The following BTBD9 variants were observed in gnomAD, a reference collection of about 807,000 sequenced individuals.
BTBD9 encodes the protein BTB domain containing 9.
Under a neutral mutation model 64.3 loss-of-function variants are expected in BTBD9, and 49 were observed. The ratio of observed to expected loss-of-function variants is 0.76; its 90% CI spans 0.61 to 0.97. The LOEUF is 0.97. BTBD9 is among the 50% of genes least tolerant of loss of function. The pLI is 0.00. For synonymous variants in BTBD9, 260 were observed against 274.7 expected, an observed-to-expected ratio of 0.95 and a Z score of 0.53; for missense variants, 598 against 762.1, an observed-to-expected ratio of 0.78 and a Z score of 2.53.
At chr6:38,450,135 A>C (rs947482940) in intron 6 of BTBD9, among the ~76,000 whole-genome samples, 1 of 152,248 alleles carries the variant, frequency 6.6e-6, no homozygotes, top group Non-Finnish European at 1.5e-5. Context: ...TCTGAAGAAC[A>C]TTAAGTTAAA....
intron 9 of BTBD9, among the ~76,000 whole-genome samples, chr6:38,255,550 G>A (rs751460803): frequency 6.6e-6 from 1 of 152,180 alleles, no homozygotes; most frequent in Non-Finnish European, 1.5e-5. Flanking sequence ...ATGCTAGGCT[G>A]CTCAGAACCC....
chr6:38,420,227 T>G (rs933118130), intron 6 of BTBD9, among the ~76,000 whole-genome samples: 1 of 152,228 alleles, frequency 6.6e-6, no homozygotes, highest in Non-Finnish European at 1.5e-5. Context: ...ATCCAGGAAC[T>G]TATCTAACTC....
At chr6:38,387,512 G>T (rs572790076) in intron 6 of BTBD9, among the ~76,000 whole-genome samples, 2 of 152,196 alleles carry the variant, frequency 1.3e-5, no homozygotes, top group South Asian at 4.2e-4. Context: ...ACTCCAGCCT[G>T]GGCAAGAAGA....
chr6:38,493,821 G>T (rs1454735343), intron 6 of BTBD9, among the ~76,000 whole-genome samples: 1 of 152,080 alleles, frequency 6.6e-6, no homozygotes, highest in Non-Finnish European at 1.5e-5. Flanking sequence ...CAGGGAAATT[G>T]GTTTTAGCGT....
chr6:38,266,610 GAAAGAAAGAAAGAAAGAAA>G (rs1561947014), intron 8 of BTBD9, among the ~76,000 whole-genome samples: 4 of 3,632 alleles, frequency 1.1e-3, no homozygotes, highest in Non-Finnish European at 2.4e-3. Flanking sequence ...AGAAAGGAAA[GAAAGAAAGAAAGAAAGAAA>G]GAAAGAAAGA....
At chr6:38,573,004 T>C (rs2127468168) in intron 6 of BTBD9, among the ~76,000 whole-genome samples, 1 of 152,176 alleles carries the variant, frequency 6.6e-6, no homozygotes, top group South Asian at 2.1e-4. Flanking sequence ...TAATGTCATA[T>C]ATATATATGT....
chr6:38,470,963 T>G (rs993122804), intron 6 of BTBD9, among the ~76,000 whole-genome samples: 2 of 152,186 alleles, frequency 1.3e-5, no homozygotes, highest in Non-Finnish European at 2.9e-5. Flanking sequence ...AAAGAGCAGT[T>G]TTCCAAGATT....
At chr6:38,572,066 C>G (rs898774956) in intron 6 of BTBD9, among the ~76,000 whole-genome samples, 1 of 151,890 alleles carries the variant, frequency 6.6e-6, no homozygotes. Context: ...ACACCTACCC[C>G]CCATCTCTGG....
chr6:38,419,467 T>C (rs2127273735), intron 6 of BTBD9, among the ~76,000 whole-genome samples: 1 of 152,344 alleles, frequency 6.6e-6, no homozygotes, highest in South Asian at 2.1e-4. Flanking sequence ...TGTCAATCTC[T>C]TACTTGACCT....
chr6:38,239,006 T>A (rs1763895751), intron 9 of BTBD9, among the ~76,000 whole-genome samples: 1 of 152,078 alleles, frequency 6.6e-6, no homozygotes. Context: ...AAAGAAGGGG[T>A]CCATTTGGAT....
At chr6:38,520,866 G>A (rs1398740071) in intron 6 of BTBD9, among the ~76,000 whole-genome samples, 2 of 152,126 alleles carry the variant, frequency 1.3e-5, no homozygotes, top group Non-Finnish European at 2.9e-5. Flanking sequence ...AGAATTGCTT[G>A]AGCTCAGTAG....
chr6:38,401,460 T>C (rs1005387967), intron 6 of BTBD9, among the ~76,000 whole-genome samples: 2 of 152,206 alleles, frequency 1.3e-5, no homozygotes, highest in Non-Finnish European at 2.9e-5. Flanking sequence ...ATACACCTTT[T>C]GTTTACTATG....
chr6:38,552,378 T>A (rs1490308966), intron 6 of BTBD9, among the ~76,000 whole-genome samples: 1 of 152,120 alleles, frequency 6.6e-6, no homozygotes, highest in Non-Finnish European at 1.5e-5. Context: ...AGAGGAAGTA[T>A]AAAAGTAGTC....
At chr6:38,621,087 C>T (rs1303362449) in intron 1 of BTBD9, among the ~76,000 whole-genome samples, 1 of 152,192 alleles carries the variant, frequency 6.6e-6, no homozygotes, top group Non-Finnish European at 1.5e-5. Flanking sequence ...TAGCAAAGAG[C>T]TGGCCTCACT....
chr6:38,545,354 C>T (rs988444768), intron 6 of BTBD9, among the ~76,000 whole-genome samples: 6 of 152,058 alleles, frequency 3.9e-5, no homozygotes, highest in Non-Finnish European at 5.9e-5. Context: ...CCACCATGTC[C>T]GGCCATGACT....
At chr6:38,473,386 A>G (rs902527397) in intron 6 of BTBD9, among the ~76,000 whole-genome samples, 1 of 152,200 alleles carries the variant, frequency 6.6e-6, no homozygotes, top group African/African-American at 2.4e-5. Context: ...ATTTTTTCCA[A>G]TGGATTATCC....
At chr6:38,399,285 T>A (rs373543711) in intron 6 of BTBD9, among the ~76,000 whole-genome samples, 1 of 152,168 alleles carries the variant, frequency 6.6e-6, no homozygotes, top group African/African-American at 2.4e-5. Flanking sequence ...TGGAAGTAAA[T>A]CTCTAAATCT....
At chr6:38,525,597 G>T (rs1773455560) in intron 6 of BTBD9, among the ~76,000 whole-genome samples, 1 of 152,238 alleles carries the variant, frequency 6.6e-6, no homozygotes, top group Admixed American at 6.5e-5. Context: ...GAATGGTTTT[G>T]ACCAAAATGC....
rs887336194 is a variant in BTBD9, at chr6:38,385,718, A to G, written c.1155-40625T>C. Among the ~76,000 whole-genome samples the G allele has an allele frequency of 5.3e-5, 8 of 152,024 alleles. No individual in the cohort carries two copies. In the South Asian group the frequency reaches 1.0e-3, roughly 20 times the overall value. ...GCTAGATATCTTTAAGAAGAACATT[A>G]TATGTTTTTTGAATCAACATGCCTA... On this transcript the variant is annotated intron_variant, in intron 6 of 10. Coordinates refer to ENST00000481247, the MANE Select transcript of BTBD9 (RefSeq NM_001099272.2).
Sources: allele counts gnomAD v4.1 joint callset (sites outside exome capture counted in the v4.1 genomes callset), GRCh38; gene constraint gnomAD v4.1.1; transcripts MANE v1.5; gene names NCBI Gene and HGNC (gene_info 2026-07-23, HGNC 2026-07-21).